Variants in FAAP24 observed in about 807,000 individuals in gnomAD.
FAAP24 encodes Fanconi anemia core complex-associated protein 24.
Under a neutral mutation model 14.3 loss-of-function variants are expected in FAAP24, and 16 were observed. That is an observed-to-expected ratio of 1.12 (90% CI 0.76 to 1.69). FAAP24 has a LOEUF of 1.69. FAAP24 is among the 40% of genes most tolerant of loss of function. FAAP24 has a pLI of 0.00. For synonymous variants in FAAP24, 111 were observed against 106.2 expected (o/e 1.04, Z -0.28); for missense variants, 234 against 262.7 (o/e 0.89, Z 0.75).
chr19:32,974,341 T>G, intron 4 of FAAP24, 129 bp downstream of exon 4: 1 of 1,121,968 alleles, frequency 8.9e-7, no homozygotes, highest in Non-Finnish European at 1.2e-6. Flanking sequence ...TCGAGGAATT[T>G]AAATGCGGAA....
intron 4 of FAAP24, among the ~76,000 whole-genome samples, chr19:32,975,612 A>G (rs8108940): frequency 0.29 from 44,345 of 151,434 alleles, 6,596 homozygotes; most frequent in South Asian, 0.44. Flanking sequence ...GGTGCCCGCC[A>G]CCACGCCCAG....
intron 2 of FAAP24, 54 bp downstream of exon 2, chr19:32,973,356 A>T: frequency 1.3e-6 from 2 of 1,598,224 alleles, no homozygotes; most frequent in Non-Finnish European, 1.7e-6. Flanking sequence ...TTAAAAAAAA[A>T]AAATCTGCCT....
chr19:32,975,001 G>C (rs929090536), intron 4 of FAAP24, among the ~76,000 whole-genome samples: 2 of 140,872 alleles, frequency 1.4e-5, no homozygotes, highest in Admixed American at 1.4e-4. Flanking sequence ...TCAGCCTCCC[G>C]AGTAGCTGGG....
In FAAP24 at chr19:32,972,300, G is replaced by A. The variant is rs1208031298; in HGVS notation, c.-60G>A. 3 of 422,664 alleles carry A rather than the reference G, an allele frequency of 7.1e-6. No individual in the cohort carries two copies. Among genetic ancestry groups the A allele is most frequent in the Admixed American group, 3.9e-5 (1 of 25,320 alleles). The allele number at this position is 422,664 out of a possible 1,614,324, so 26.2% of individuals were successfully genotyped here. On this transcript the variant is annotated 5_prime_UTR_variant, in exon 1 of 5. Transcript: ENST00000588258. Reference sequence around the variant, plus strand: ...ATGATCTCTAGACTGGGACGGTGGGGTTCCTGCCGGCTGTATTCGGGCCTT... The same window carrying A: ...ATGATCTCTAGACTGGGACGGTGGGATTCCTGCCGGCTGTATTCGGGCCTT...
chr19:32,972,422 C>A (rs1388919943), intron 1 of FAAP24, 76 bp downstream of exon 1: 1 of 401,350 alleles, frequency 2.5e-6, no homozygotes, highest in Non-Finnish European at 4.4e-6. Context: ...ACAGGAATCT[C>A]CTGGTTCTTA....
rs1386933497 is a variant in FAAP24, at chr19:32,973,557, A to G, written c.238A>G (p.Arg80Gly). 3 of 1,614,180 alleles carry G rather than the reference A, an allele frequency of 1.9e-6. No individual in the cohort carries two copies. The highest frequency in any genetic ancestry group is 2.5e-6 in the Non-Finnish European group (3 of 1,180,008). Residue 80 changes from arginine to glycine, a missense_variant, in exon 3 of 5, where the codon AGA becomes GGA. Transcript: ENST00000588258. ...NGYRKRLVRV[R>G]NSNNLKGIVV... ...CTACAGAAAGAGGCTTGTTCGGGTT[A>G]GAAATGTAAGTATTAGGCTGGGTGC...
chr19:32,974,404 A>G (rs1448855622), intron 4 of FAAP24, among the ~76,000 whole-genome samples, 192 bp downstream of exon 4: 1 of 152,224 alleles, frequency 6.6e-6, no homozygotes, highest in African/African-American at 2.4e-5. Flanking sequence ...AGTGTATCAC[A>G]AAGTATACAA....
intron 3 of FAAP24, among the ~76,000 whole-genome samples, 187 bp from the exon 4 acceptor site, chr19:32,973,873 A>G (rs1400785186): frequency 1.3e-5 from 2 of 152,132 alleles, no homozygotes; most frequent in Non-Finnish European, 2.9e-5. Context: ...AAAAACAAAA[A>G]CAAAAAAGAA....
intron 4 of FAAP24, among the ~76,000 whole-genome samples, chr19:32,974,885 C>CT (rs1971495983): frequency 7.2e-6 from 1 of 137,964 alleles, no homozygotes. Flanking sequence ...TTTTTTTTCC[C>CT]TTTTTTTTGA....
At chr19:32,972,710 CTTTTCT>C (rs569652356) in intron 1 of FAAP24, among the ~76,000 whole-genome samples, 19,472 of 128,024 alleles carry the variant, frequency 0.15, 1,439 homozygotes, top group Non-Finnish European at 0.18. Context: ...TTTTCTTTTT[CTTTTCT>C]TTTTTTTTTT....
rs1232540497 is a variant in FAAP24, at chr19:32,976,874, C to T, written c.*192C>T. ...ACCAGCCTGGCCAACATGGAGAAAC[C>T]CCTAAAAATAGGAACAATTAGCCAG... On this transcript the variant is annotated 3_prime_UTR_variant, in exon 5 of 5. Transcript: ENST00000588258. The T allele has an allele frequency of 6.1e-6, 4 of 658,814 alleles. No individual in the cohort carries two copies. The highest frequency in any genetic ancestry group is 1.0e-5 in the Non-Finnish European group (4 of 399,652). 40.8% of individuals were successfully genotyped at this position (658,814 alleles called of 1,614,324 possible).
At chr19:32,973,803 C>T (rs777781461) in intron 3 of FAAP24, among the ~76,000 whole-genome samples, 1 of 152,046 alleles carries the variant, frequency 6.6e-6, no homozygotes, top group Non-Finnish European at 1.5e-5. Context: ...TGTAGTGAGC[C>T]GAGATCACGC....
intron 2 of FAAP24, 57 bp downstream of exon 2, chr19:32,973,359 AT>A: frequency 1.9e-6 from 3 of 1,594,792 alleles, no homozygotes; most frequent in African/African-American, 1.4e-5. Context: ...AAAAAAAAAA[AT>A]CTGCCTATTA....
rs770186533 is a variant in FAAP24 at position 32,976,435 on chromosome 19, A to G, written c.401A>G (p.Gln134Arg). Residue 134 changes from glutamine to arginine, a missense_variant, in exon 5 of 5, where the codon CAA (glutamine) becomes CGA (arginine). Gln to Arg is a conservative substitution (Grantham distance 43). Transcript: ENST00000588258. ...EASCLVIQLV[Q>R]EQTKEPSKNP... ...GTTGCTTTCATTGTGGTTCAGGTTC[A>G]AGAGCAAACCAAAGAGCCCAGTAAG... The G allele has an allele frequency of 8.1e-6, 13 of 1,612,818 alleles. No individual in the cohort carries two copies. Among genetic ancestry groups the G allele is most frequent in the Non-Finnish European group, 1.0e-5 (12 of 1,179,314 alleles).
At position 32,977,274 on chromosome 19, in the gene FAAP24, G is replaced by A. The variant is rs1971533620; in HGVS notation, c.*592G>A. 3 of 398,826 alleles carry A rather than the reference G, an allele frequency of 7.5e-6. No homozygotes were observed. The Admixed American group carries it at 1.3e-4, about 18-fold the overall frequency. The allele number at this position is 398,826 out of a possible 1,614,324, so 24.7% of individuals were successfully genotyped here. On this transcript the variant is annotated 3_prime_UTR_variant, in exon 5 of 5. Transcript: ENST00000588258. ...CTCACACTCAGCAAAAAGCATTAGGGCCGATTTTAATGTGCGACCTTGACC... is the reference window on the plus strand; with the variant it reads ...CTCACACTCAGCAAAAAGCATTAGGACCGATTTTAATGTGCGACCTTGACC...
At position 32,973,142 on chromosome 19, in the gene FAAP24, A is replaced by G. The variant is rs7245980; in HGVS notation, c.-13-42A>G. Reference sequence around the variant, plus strand: ...TGGAGTGGAATGCAGGGCCGTGTGCAGGAGAGCCTGCTCAAGTGCCGCCTG... The same window carrying G: ...TGGAGTGGAATGCAGGGCCGTGTGCGGGAGAGCCTGCTCAAGTGCCGCCTG... On this transcript the variant is annotated intron_variant, in intron 1 of 4. Transcript: ENST00000588258. 0.87 allele frequency: 1,326,493 copies of G among 1,523,548 alleles called. 578,765 individuals carry two copies. The highest frequency in any genetic ancestry group is 0.98 in the African/African-American group (71,358 of 73,044). 94.4% of individuals were successfully genotyped at this position (1,523,548 alleles called of 1,614,324 possible).
chr19:32,973,411 T>A lies in FAAP24; in HGVS notation c.107-15T>A. 6.2e-7 allele frequency: 1 copy of A among 1,612,382 alleles called. No homozygotes were observed. Among genetic ancestry groups the A allele is most frequent in the Non-Finnish European group, 8.5e-7 (1 of 1,179,294 alleles). On this transcript the variant is annotated splice_polypyrimidine_tract_variant and intron_variant, in intron 2 of 4. Transcript: ENST00000588258. ...CCAAAGCTTATGGAACTCATTTTCT[T>A]CTCTGTATTTTAAGGGAAAATTAAG...
chr19:32,973,289 G>A lies in FAAP24; in HGVS notation c.93G>A (p.Ala31=), dbSNP rs367939215. The part of the protein sequence containing the change: ...ANEKWRGSQL[A]QEMQGKIKLI... Reference sequence around the variant, plus strand: ...AGAAATGGCGCGGGTCACAGCTGGCGCAGGAGATGCAAGGTCGGTGGCCTG... The same window carrying A: ...AGAAATGGCGCGGGTCACAGCTGGCACAGGAGATGCAAGGTCGGTGGCCTG... Residue 31 remains alanine (A), a synonymous_variant, in exon 2 of 5, where the codon GCG becomes GCA. Coordinates refer to ENST00000588258, the MANE Select transcript of FAAP24 (RefSeq NM_152266.5). 3.0e-5 allele frequency: 48 copies of A among 1,613,926 alleles called. No homozygotes were observed. The highest frequency in any genetic ancestry group is 3.7e-5 in the Non-Finnish European group (44 of 1,180,008).
Position 32,977,276 on chromosome 19 carries a change from C to A in FAAP24, c.*594C>A. On this transcript the variant is annotated 3_prime_UTR_variant, in exon 5 of 5. Coordinates refer to ENST00000588258, the MANE Select transcript of FAAP24 (RefSeq NM_152266.5). ...CACACTCAGCAAAAAGCATTAGGGC[C>A]GATTTTAATGTGCGACCTTGACCTG... The A allele has an allele frequency of 5.0e-6, 2 of 398,670 alleles. No homozygotes were observed. Among genetic ancestry groups the A allele is most frequent in the Non-Finnish European group, 8.8e-6 (2 of 226,242 alleles). The allele number at this position is 398,670 out of a possible 1,614,324, so 24.7% of individuals were successfully genotyped here.
Sources: gnomAD v4.1 joint callset for allele counts (sites outside exome capture counted in the v4.1 genomes callset) on GRCh38, gnomAD v4.1.1 for gene constraint, MANE v1.5 for transcripts, NCBI Gene and HGNC (gene_info 2026-07-23, HGNC 2026-07-21) for gene names.